RBFOX1: variants seen among roughly 807,000 people sequenced by gnomAD.
RBFOX1 encodes RNA binding protein fox-1 homolog 1.
Under a neutral mutation model 57.7 loss-of-function variants are expected in RBFOX1, and 8 were observed. The ratio of observed to expected loss-of-function variants is 0.14; its 90% CI spans 0.08 to 0.25. The LOEUF (loss-of-function observed/expected upper bound fraction) is 0.25, where lower values mean the gene tolerates loss of function less well. Ranked by LOEUF, RBFOX1 falls within the 10% of genes least tolerant of loss-of-function variation. The pLI is 1.00. For synonymous variants in RBFOX1, 326 were observed against 222.4 expected, an observed-to-expected ratio of 1.47 and a Z score of -4.15; for missense variants, 611 against 548.5, an observed-to-expected ratio of 1.11 and a Z score of -1.14.
intron 4 of RBFOX1, among the ~76,000 whole-genome samples, chr16:7,193,202 A>C (rs957776339): frequency 6.6e-6 from 1 of 152,212 alleles, no homozygotes. Context: ...AGAGGGAGGC[A>C]GAAGAGAGAG....
At chr16:6,438,650 G>C (rs1288969763) in intron 2 of RBFOX1, among the ~76,000 whole-genome samples, 6 of 152,132 alleles carry the variant, frequency 3.9e-5, no homozygotes, top group Admixed American at 6.5e-5. Flanking sequence ...CTGAGTTGGG[G>C]TTGGCGTTGT....
chr16:7,045,635 ATTAATC>A (rs1369577084), intron 3 of RBFOX1, among the ~76,000 whole-genome samples: 1 of 151,336 alleles, frequency 6.6e-6, no homozygotes, highest in Non-Finnish European at 1.5e-5. Context: ...TGTTAAAAAT[ATTAATC>A]TTGTTATATA....
chr16:7,365,807 G>T (rs375405080), intron 4 of RBFOX1, among the ~76,000 whole-genome samples: 2 of 152,310 alleles, frequency 1.3e-5, no homozygotes, highest in East Asian at 3.9e-4. Flanking sequence ...ACTCAACAGG[G>T]AAGATACAGG....
intron 3 of RBFOX1, among the ~76,000 whole-genome samples, chr16:7,039,471 G>T (rs1268843994): frequency 6.6e-6 from 1 of 152,138 alleles, no homozygotes; most frequent in African/African-American, 2.4e-5. Context: ...ACAGAATCAA[G>T]TTCATTAATC....
chr16:7,036,023 A>G (rs2044306904), intron 3 of RBFOX1, among the ~76,000 whole-genome samples: 4 of 152,192 alleles, frequency 2.6e-5, no homozygotes, highest in Admixed American at 2.0e-4. Context: ...TTCTTAAATA[A>G]TGACATTTTG....
chr16:5,294,202 C>G (rs2063605728), intron 1 of RBFOX1, among the ~76,000 whole-genome samples: 1 of 152,150 alleles, frequency 6.6e-6, no homozygotes, highest in Non-Finnish European at 1.5e-5. Flanking sequence ...GCACTCCAGC[C>G]TGGGTGACAG....
At chr16:5,969,325 G>GT (rs1392384342) in intron 4 of RBFOX1, among the ~76,000 whole-genome samples, 1 of 120,646 alleles carries the variant, frequency 8.3e-6, no homozygotes. Flanking sequence ...TTTTTTTTTG[G>GT]TTTGGAAATG....
chr16:5,368,368 C>G (rs2065777203), intron 1 of RBFOX1, among the ~76,000 whole-genome samples: 1 of 152,198 alleles, frequency 6.6e-6, no homozygotes, highest in Non-Finnish European at 1.5e-5. Context: ...ATGAGAATTG[C>G]TCTGCAATGT....
intron 2 of RBFOX1, among the ~76,000 whole-genome samples, chr16:6,397,540 C>T (rs948395890): frequency 2.6e-5 from 4 of 152,084 alleles, no homozygotes; most frequent in South Asian, 2.1e-4. Flanking sequence ...AGAACTGTAG[C>T]TTTAAAGGGT....
At chr16:7,011,409 T>G (rs8061259) in intron 3 of RBFOX1, among the ~76,000 whole-genome samples, 2,551 of 152,308 alleles carry the variant, frequency 0.017, 79 homozygotes, top group African/African-American at 0.057. Context: ...GCGGGCTGTT[T>G]GTTGCTATGT....
chr16:7,190,174 A>T (rs2085020900), intron 4 of RBFOX1, among the ~76,000 whole-genome samples: 1 of 152,110 alleles, frequency 6.6e-6, no homozygotes, highest in African/African-American at 2.4e-5. Flanking sequence ...CAGCCTTGCC[A>T]ACATGGTGAA....
chr16:6,475,792 G>T (rs1054195282), intron 2 of RBFOX1, among the ~76,000 whole-genome samples: 1 of 152,112 alleles, frequency 6.6e-6, no homozygotes, highest in Non-Finnish European at 1.5e-5. Context: ...TTTCAAACTG[G>T]TAAAGAAGTA....
intron 3 of RBFOX1, among the ~76,000 whole-genome samples, chr16:6,787,816 C>G (rs570039385): frequency 2.0e-5 from 3 of 152,324 alleles, no homozygotes; most frequent in Middle Eastern, 3.4e-3. Context: ...TAATCCACGT[C>G]TACTGAAATA....
At chr16:5,769,798 C>T (rs908566815) in intron 3 of RBFOX1, among the ~76,000 whole-genome samples, 4 of 152,118 alleles carry the variant, frequency 2.6e-5, no homozygotes, top group African/African-American at 9.7e-5. Flanking sequence ...CCTGTCAATA[C>T]CTTGATTTTG....
chr16:7,574,656 G>C (rs1393016771), intron 5 of RBFOX1, among the ~76,000 whole-genome samples: 1 of 152,162 alleles, frequency 6.6e-6, no homozygotes, highest in Admixed American at 6.5e-5. Context: ...CAGGTGATCA[G>C]ATGGGGCCCA....
intron 1 of RBFOX1, among the ~76,000 whole-genome samples, chr16:6,190,653 C>T (rs754374149): frequency 2.6e-5 from 4 of 152,144 alleles, no homozygotes; most frequent in Non-Finnish European, 5.9e-5. Flanking sequence ...TTTTGGGGAA[C>T]ACACAGCCAC....
chr16:5,757,503 T>C (rs1476847366), intron 3 of RBFOX1, among the ~76,000 whole-genome samples: 1 of 152,126 alleles, frequency 6.6e-6, no homozygotes, highest in Non-Finnish European at 1.5e-5. Flanking sequence ...GTGCTGGGAT[T>C]ACAGGCATGA....
chr16:6,270,261 C>A (rs964434419), intron 1 of RBFOX1, among the ~76,000 whole-genome samples: 1 of 151,926 alleles, frequency 6.6e-6, no homozygotes, highest in Non-Finnish European at 1.5e-5. Flanking sequence ...TGGCAATGGC[C>A]TATATACACC....
chr16:6,937,131 A>G (rs755751995), intron 3 of RBFOX1, among the ~76,000 whole-genome samples: 5 of 152,182 alleles, frequency 3.3e-5, no homozygotes, highest in Non-Finnish European at 7.4e-5. Flanking sequence ...TCAGCCAGTA[A>G]TTTTACCTTT....
Sources: gnomAD v4.1 joint callset for allele counts (sites outside exome capture counted in the v4.1 genomes callset) on GRCh38, gnomAD v4.1.1 for gene constraint, MANE v1.5 for transcripts, NCBI Gene and HGNC (gene_info 2026-07-23, HGNC 2026-07-21) for gene names.